Variants in NRG3 observed in about 807,000 individuals in gnomAD.
NRG3 encodes neuregulin 3, also known as pro-neuregulin-3, membrane-bound isoform.
NRG3 carries 31 observed loss-of-function variants against 66.9 expected under a neutral mutation model. That is an observed-to-expected ratio of 0.46 (90% CI 0.35 to 0.63). The LOEUF is 0.63. NRG3 is among the 20% of genes least tolerant of loss of function. The pLI, the probability that NRG3 is intolerant of heterozygous loss-of-function variation, is 0.00. For synonymous variants in NRG3, 393 were observed against 359.4 expected (o/e 1.09, Z -1.06); for missense variants, 910 against 878.9 (o/e 1.04, Z -0.45).
chr10:82,882,396 G>A (rs1458556154), intron 4 of NRG3, among the ~76,000 whole-genome samples: 5 of 152,162 alleles, frequency 3.3e-5, no homozygotes, highest in Non-Finnish European at 7.3e-5. Context: ...GGCAACATGA[G>A]TAGAGTTTTC....
intron 2 of NRG3, among the ~76,000 whole-genome samples, chr10:82,690,001 A>G (rs935704392): frequency 3.0e-4 from 45 of 152,270 alleles, no homozygotes; most frequent in African/African-American, 9.9e-4. Context: ...TATAATGACC[A>G]TTTCCTTACT....
At chr10:82,651,274 G>A (rs2051392204) in intron 2 of NRG3, among the ~76,000 whole-genome samples, 1 of 152,238 alleles carries the variant, frequency 6.6e-6, no homozygotes, top group African/African-American at 2.4e-5. Context: ...AGCTTAGAAT[G>A]TGATGTCTGT....
chr10:82,871,284 C>CT lies in NRG3; in HGVS notation c.1054+5859dup, dbSNP rs34420488. Among the ~76,000 whole-genome samples the CT allele has an allele frequency of 1.9e-3, 272 of 146,298 alleles. 2 individuals carry two copies. The East Asian group carries it at 0.024, about 13-fold the overall frequency. ...TGTTCTGTTCCATTAAACTATTTGTCTTTTTTTTTTTTGCCAATACTATAC... is the reference window on the plus strand; with the variant it reads ...TGTTCTGTTCCATTAAACTATTTGTCTTTTTTTTTTTTTGCCAATACTATAC... On this transcript the variant is annotated intron_variant, in intron 4 of 8. Coordinates refer to ENST00000372141, the MANE Select transcript of NRG3 (RefSeq NM_001010848.4).
At chr10:82,216,925 A>G (rs1294937859) in intron 1 of NRG3, among the ~76,000 whole-genome samples, 1 of 152,152 alleles carries the variant, frequency 6.6e-6, no homozygotes, top group Non-Finnish European at 1.5e-5. Context: ...GATCTTATTC[A>G]GTATGCCATT....
chr10:82,090,722 G>A (rs1420230588), intron 1 of NRG3, among the ~76,000 whole-genome samples: 1 of 147,746 alleles, frequency 6.8e-6, no homozygotes, highest in Non-Finnish European at 1.5e-5. Flanking sequence ...TAATGTTAAT[G>A]GGGGCAAAAC....
chr10:82,919,539 A>G (rs1846218332), intron 4 of NRG3, among the ~76,000 whole-genome samples: 2 of 152,200 alleles, frequency 1.3e-5, no homozygotes, highest in South Asian at 4.1e-4. Context: ...TAAGACTCTC[A>G]GCTACTTTAA....
chr10:82,599,675 G>A (rs183416647), intron 2 of NRG3, among the ~76,000 whole-genome samples: 29 of 152,168 alleles, frequency 1.9e-4, no homozygotes, highest in Admixed American at 4.6e-4. Context: ...ATAGTCGGGC[G>A]TGGTGGTGTT....
At chr10:82,348,713 C>G (rs1291028773) in intron 1 of NRG3, among the ~76,000 whole-genome samples, 3 of 150,924 alleles carry the variant, frequency 2.0e-5, no homozygotes, top group African/African-American at 4.9e-5. Context: ...ACCAATCAGA[C>G]GTAGATTTGG....
At chr10:82,004,138 T>C (rs1175648523) in intron 1 of NRG3, among the ~76,000 whole-genome samples, 1 of 152,020 alleles carries the variant, frequency 6.6e-6, no homozygotes, top group African/African-American at 2.4e-5. Flanking sequence ...TTAATTGGAG[T>C]AAAAGAGAAA....
At chr10:82,486,800 T>G (rs1269154376) in intron 2 of NRG3, among the ~76,000 whole-genome samples, 1 of 152,142 alleles carries the variant, frequency 6.6e-6, no homozygotes, top group Non-Finnish European at 1.5e-5. Context: ...GAGGGCATTA[T>G]GTTAAGTGAA....
intron 1 of NRG3, among the ~76,000 whole-genome samples, chr10:82,270,645 G>A (rs1047330974): frequency 6.6e-6 from 1 of 152,030 alleles, no homozygotes; most frequent in Admixed American, 6.6e-5. Flanking sequence ...CCTTCCGAAG[G>A]TATAGCAAAA....
Position 81,875,226 on chromosome 10 carries a change from G to GCGCCCGAGCCCGCCGCCGC in NRG3, c.-110_-92dup, listed in dbSNP as rs1841511169. 1 of 527,708 alleles carries GCGCCCGAGCCCGCCGCCGC rather than the reference G, an allele frequency of 1.9e-6. No homozygotes were observed. The highest frequency in any genetic ancestry group is 2.4e-6 in the Non-Finnish European group (1 of 414,600). The allele number at this position is 527,708 out of a possible 1,614,324, so 32.7% of individuals were successfully genotyped here. ...CATGCGGCCGCCGCGGCCGCTGCCT[G>GCGCCCGAGCCCGCCGCCGC]CGCCCGAGCCCGCCGCCGCCGCCGG... On this transcript the variant is annotated 5_prime_UTR_variant, in exon 1 of 9. The change abolishes the stop of an existing upstream ORF in the 5' untranslated region. Transcript: ENST00000372141. This position sits in a 1 kb window ranked among gnomAD's most constrained non-coding sequence, Gnocchi z 5.3.
At chr10:82,510,129 A>G (rs1395547759) in intron 2 of NRG3, among the ~76,000 whole-genome samples, 2 of 151,548 alleles carry the variant, frequency 1.3e-5, no homozygotes, top group Non-Finnish European at 2.9e-5. Context: ...ACTCCTCCAT[A>G]CCTCTAGAAG....
chr10:82,709,237 G>A (rs546081737), intron 2 of NRG3, among the ~76,000 whole-genome samples: 1 of 152,294 alleles, frequency 6.6e-6, no homozygotes, highest in East Asian at 1.9e-4. Context: ...TGGCTACCAG[G>A]AAGGGCAGCT....
intron 1 of NRG3, among the ~76,000 whole-genome samples, chr10:82,240,124 C>T (rs1004288346): frequency 6.6e-6 from 1 of 151,884 alleles, no homozygotes. Context: ...CTCGTTGGAA[C>T]TGACATGACA....
At chr10:82,435,263 CTGTAT>C (rs1339282637) in intron 2 of NRG3, among the ~76,000 whole-genome samples, 1 of 151,824 alleles carries the variant, frequency 6.6e-6, no homozygotes, top group Non-Finnish European at 1.5e-5. Context: ...TGATGGTAGC[CTGTAT>C]TTCTGTGGGG....
intron 2 of NRG3, among the ~76,000 whole-genome samples, chr10:82,403,485 T>C (rs1937964): frequency 0.41 from 61,755 of 152,036 alleles, 15,383 homozygotes; most frequent in African/African-American, 0.7. Flanking sequence ...GTCACTCTTC[T>C]TCCTCAGCTT....
At chr10:82,653,657 A>T (rs2051609596) in intron 2 of NRG3, among the ~76,000 whole-genome samples, 1 of 151,974 alleles carries the variant, frequency 6.6e-6, no homozygotes, top group South Asian at 2.1e-4. Context: ...TTTTAAAAAA[A>T]AAAACAAAGG....
At chr10:82,953,850 C>T (rs972616302) in intron 5 of NRG3, among the ~76,000 whole-genome samples, 9 of 150,814 alleles carry the variant, frequency 6.0e-5, no homozygotes, top group Non-Finnish European at 1.2e-4. Context: ...CTCAGCTACT[C>T]GGGAGGCTGA....
Sources: gnomAD v4.1 joint callset for allele counts (sites outside exome capture counted in the v4.1 genomes callset) on GRCh38, gnomAD v4.1.1 for gene constraint, Gnocchi (gnomAD v3.1) non-coding constraint, MANE v1.5 for transcripts, NCBI Gene and HGNC (gene_info 2026-07-23, HGNC 2026-07-21) for gene names.